The following MTMR9 variants were observed in gnomAD, a reference collection of about 807,000 sequenced individuals.
The protein encoded by MTMR9 is myotubularin-related protein 9.
Under a neutral mutation model 69.5 loss-of-function variants are expected in MTMR9, and 39 were observed. That is an observed-to-expected ratio of 0.56 (90% confidence interval 0.43 to 0.73). MTMR9 has a LOEUF of 0.73. Among genes scored for constraint, MTMR9 ranks in the 30% least tolerant of loss-of-function variants. MTMR9 has a pLI of 0.00. For synonymous variants in MTMR9, 354 were observed against 240.8 expected, an observed-to-expected ratio of 1.47 and a Z score of -4.35; for missense variants, 900 against 671.2, an observed-to-expected ratio of 1.34 and a Z score of -3.77.
At chr8:11,287,809 A>G (rs1461556310) in intron 1 of MTMR9, among the ~76,000 whole-genome samples, 3 of 109,940 alleles carry the variant, frequency 2.7e-5, no homozygotes, top group Non-Finnish European at 5.3e-5. Flanking sequence ...ATATTATATA[A>G]TACATATAAT....
At chr8:11,285,297 C>G (rs1046777831) in intron 1 of MTMR9, 1 of 447,448 alleles carries the variant, frequency 2.2e-6, no homozygotes, top group African/African-American at 2.0e-5. Flanking sequence ...TGGCTGGTAC[C>G]ATCCTGATGA....
intron 1 of MTMR9, among the ~76,000 whole-genome samples, chr8:11,291,707 A>T (rs1002225949): frequency 6.6e-6 from 1 of 151,944 alleles, no homozygotes; most frequent in Non-Finnish European, 1.5e-5. Context: ...AACCTGCCAG[A>T]CTAACAAAAC....
intron 1 of MTMR9, among the ~76,000 whole-genome samples, chr8:11,285,977 G>T (rs1799141543): frequency 9.0e-6 from 1 of 111,632 alleles, no homozygotes; most frequent in African/African-American, 3.8e-5. Flanking sequence ...TTTTGGAGAC[G>T]AAATCTCACT....
At chr8:11,315,623 T>A (rs545664296) in intron 7 of MTMR9, among the ~76,000 whole-genome samples, 2 of 152,338 alleles carry the variant, frequency 1.3e-5, no homozygotes, top group South Asian at 4.1e-4. Context: ...ACACAAATGC[T>A]TACATATCTT....
chr8:11,304,301 G>A (rs1448328024), intron 3 of MTMR9, among the ~76,000 whole-genome samples: 1 of 152,158 alleles, frequency 6.6e-6, no homozygotes. Context: ...GATATAGATA[G>A]TAGCTGTGTT....
At chr8:11,321,607 G>A (rs1800695932) in intron 9 of MTMR9, 1 of 417,342 alleles carries the variant, frequency 2.4e-6, no homozygotes, top group South Asian at 1.7e-5. Flanking sequence ...AGAGCTGGGA[G>A]AAGAAGAAGC....
downstream of MTMR9, chr8:11,331,738 G>C (rs139573688): frequency 1.9e-6 from 3 of 1,611,898 alleles, no homozygotes; most frequent in East Asian, 2.2e-5. Flanking sequence ...CTGGTCTATC[G>C]TTCTCTGCAC....
chr8:11,329,351 C>T (rs1182296361), downstream of MTMR9, among the ~76,000 whole-genome samples: 3 of 152,232 alleles, frequency 2.0e-5, no homozygotes, highest in Admixed American at 6.5e-5. Context: ...CCATGGTCTC[C>T]CTCTGATGCC....
chr8:11,330,884 C>G, downstream of MTMR9: 2 of 968,398 alleles, frequency 2.1e-6, no homozygotes, highest in South Asian at 3.9e-5. Flanking sequence ...CCAAATCCCC[C>G]TCTGCGAGAA....
At chr8:11,296,681 C>G (rs181665336) in intron 2 of MTMR9, among the ~76,000 whole-genome samples, 3 of 152,072 alleles carry the variant, frequency 2.0e-5, no homozygotes, top group Non-Finnish European at 4.4e-5. Flanking sequence ...AGCATAATAT[C>G]CTCACAGTTC....
downstream of MTMR9, chr8:11,332,341 A>G (rs1801270600): frequency 3.6e-6 from 3 of 840,742 alleles, no homozygotes; most frequent in Non-Finnish European, 5.0e-6. Flanking sequence ...ATTTACAGGA[A>G]TAAAATTAAT....
intron 1 of MTMR9, among the ~76,000 whole-genome samples, chr8:11,285,971 G>A (rs2409753): frequency 7.4e-6 from 1 of 134,746 alleles, no homozygotes. Flanking sequence ...TTTTTTTTTT[G>A]GAGACGAAAT....
Position 11,313,689 on chromosome 8 carries a change from A to G in MTMR9, c.972-1234A>G, listed in dbSNP as rs866520576. Among the ~76,000 whole-genome samples the G allele has an allele frequency of 1.3e-4, 20 of 152,354 alleles. No individual in the cohort carries two copies. The Middle Eastern group carries it at 0.01, about 78-fold the overall frequency. On this transcript the variant is annotated intron_variant, in intron 6 of 9. Coordinates refer to ENST00000221086, the MANE Select transcript of MTMR9 (RefSeq NM_015458.4). ...GAGAGAGTCAAAGGAACAGCTGGTT[A>G]GTGGAGCAGTGAGAACACACACAGC...
intron 9 of MTMR9, 105 bp from the exon 10 acceptor site, chr8:11,322,520 G>GA: frequency 1.1e-6 from 1 of 949,218 alleles, no homozygotes; most frequent in Non-Finnish European, 1.6e-6. Context: ...GGCAACAAAA[G>GA]AAAAAAGAAT....
downstream of MTMR9, among the ~76,000 whole-genome samples, chr8:11,329,826 G>A (rs1801123996): frequency 6.6e-6 from 1 of 151,962 alleles, no homozygotes; most frequent in African/African-American, 2.4e-5. Context: ...TCTGGGAAGT[G>A]AGGAGCGCCT....
At chr8:11,331,340 C>G (rs772343710), downstream of MTMR9, 3 of 1,613,998 alleles carry the variant, frequency 1.9e-6, no homozygotes, top group South Asian at 2.2e-5. Flanking sequence ...GTCGATGCCT[C>G]TTCCACCTCC....
intron 1 of MTMR9, among the ~76,000 whole-genome samples, chr8:11,287,932 T>TATGTGTTATATATTATATA (rs1799235767): frequency 1.6e-5 from 2 of 124,756 alleles, no homozygotes; most frequent in Admixed American, 9.6e-5. Flanking sequence ...TATTATATAA[T>TATGTGTTATATATTATATA]ATGTGTTATA....
rs114772150 is a variant in MTMR9, at chr8:11,314,407, C to G, written c.972-516C>G. 5.0e-3 allele frequency among the ~76,000 whole-genome samples: 758 copies of G among 152,074 alleles called. 6 individuals are homozygous for G. Among genetic ancestry groups the G allele is most frequent in the African/African-American group, 0.014 (561 of 41,494 alleles). On this transcript the variant is annotated intron_variant, in intron 6 of 9. Coordinates refer to ENST00000221086, the MANE Select transcript of MTMR9 (RefSeq NM_015458.4). ...TGTTTTTTTTCCTGTTGTCGTGTTT[C>G]TCAAAGTGTGGTCTAGGTCTCATTT...
chr8:11,299,925 A>T, intron 2 of MTMR9, 98 bp from the exon 3 acceptor site: 1 of 1,373,348 alleles, frequency 7.3e-7, no homozygotes, highest in Non-Finnish European at 9.8e-7. Context: ...GGTGCCCATC[A>T]TTATTAGACC....
Sources: gnomAD v4.1 joint callset for allele counts (sites outside exome capture counted in the v4.1 genomes callset) on GRCh38, gnomAD v4.1.1 for gene constraint, MANE v1.5 for transcripts, NCBI Gene and HGNC (gene_info 2026-07-23, HGNC 2026-07-21) for gene names.